HIP1: variants seen among roughly 807,000 people sequenced by gnomAD.
The protein encoded by HIP1 is huntingtin interacting protein 1.
A neutral mutation model predicts 147.6 loss-of-function variants in HIP1; 65 were observed. That is an observed-to-expected ratio of 0.44 (90% CI 0.36 to 0.54). The LOEUF (loss-of-function observed/expected upper bound fraction) is 0.54. HIP1 is among the 20% of genes least tolerant of loss of function. The pLI is 0.00. For synonymous variants in HIP1, 479 were observed against 504.0 expected (o/e 0.95, Z 0.67); for missense variants, 1,061 against 1,299.6 (o/e 0.82, Z 2.82).
intron 5 of HIP1, among the ~76,000 whole-genome samples, chr7:75,584,883 C>G (rs1446005281): frequency 6.7e-6 from 1 of 149,466 alleles, no homozygotes; most frequent in East Asian, 1.9e-4. Context: ...GAGTCTTGCT[C>G]TGTCACCCAG....
At chr7:75,650,913 C>T (rs1383489451) in intron 1 of HIP1, among the ~76,000 whole-genome samples, 1 of 152,022 alleles carries the variant, frequency 6.6e-6, no homozygotes, top group Non-Finnish European at 1.5e-5. Flanking sequence ...TGTGAGCCAG[C>T]AGCAATTTAC....
chr7:75,537,442 A>G lies in HIP1; in HGVS notation c.*730T>C, dbSNP rs958797431. 21 of 232,406 alleles carry G rather than the reference A, an allele frequency of 9.0e-5. No homozygotes were observed. Among genetic ancestry groups the G allele is most frequent in the Non-Finnish European group, 1.0e-4 (12 of 117,572 alleles). The allele number at this position is 232,406 out of a possible 1,614,324, so 14.4% of individuals were successfully genotyped here. ...CCTGGGCAGCACCATCGCTGGAGCT[A>G]CCACAGTTGGGGGGCCCTGGAGACT... On this transcript the variant is annotated 3_prime_UTR_variant, in exon 31 of 31. Transcript: ENST00000336926.
intron 1 of HIP1, among the ~76,000 whole-genome samples, chr7:75,713,046 T>G (rs1294500222): frequency 6.6e-6 from 1 of 152,176 alleles, no homozygotes; most frequent in Non-Finnish European, 1.5e-5. Context: ...AGCCCTTATG[T>G]GCAAAGCCCT....
chr7:75,694,279 C>T (rs1237706389), intron 1 of HIP1, among the ~76,000 whole-genome samples: 2 of 152,068 alleles, frequency 1.3e-5, no homozygotes, highest in Admixed American at 6.6e-5. Context: ...GGAATCCCCT[C>T]ATTAACCCTG....
At chr7:75,671,777 C>T (rs1380264889) in intron 1 of HIP1, among the ~76,000 whole-genome samples, 1 of 152,042 alleles carries the variant, frequency 6.6e-6, no homozygotes, top group Non-Finnish European at 1.5e-5. Context: ...CTCGCTCTAC[C>T]AGGCTGGAGT....
At chr7:75,633,736 A>C (rs1798321391) in intron 1 of HIP1, among the ~76,000 whole-genome samples, 1 of 152,110 alleles carries the variant, frequency 6.6e-6, no homozygotes, top group Non-Finnish European at 1.5e-5. Flanking sequence ...TTGGGCATTT[A>C]ACTTCTACCA....
intron 1 of HIP1, among the ~76,000 whole-genome samples, chr7:75,600,966 C>T (rs1226664992): frequency 1.3e-5 from 2 of 151,978 alleles, no homozygotes; most frequent in Non-Finnish European, 2.9e-5. Context: ...CTATGTTGCC[C>T]AGGCTGGTCT....
chr7:75,624,091 G>A (rs1242818015), intron 1 of HIP1, among the ~76,000 whole-genome samples: 4 of 152,066 alleles, frequency 2.6e-5, no homozygotes, highest in Non-Finnish European at 4.4e-5. Flanking sequence ...AGAAACACAC[G>A]CACACCTCCA....
chr7:75,558,626 C>T lies in HIP1; in HGVS notation c.1376-371G>A, dbSNP rs587716973. 2.0e-5 allele frequency among the ~76,000 whole-genome samples: 3 copies of T among 152,274 alleles called. No homozygotes were observed. In the East Asian group the frequency reaches 5.8e-4, roughly 29 times the overall value. ...CCACTGTGCCCGGCCAAAGATCTTC[C>T]TTTGATTTAGGAATGCATATATGCT... is the stretch of plus-strand genomic sequence containing the variant. On this transcript the variant is annotated intron_variant, in intron 14 of 30. Coordinates refer to ENST00000336926, the MANE Select transcript of HIP1 (RefSeq NM_005338.7).
chr7:75,660,256 G>C (rs538377656), intron 1 of HIP1, among the ~76,000 whole-genome samples: 2 of 151,754 alleles, frequency 1.3e-5, no homozygotes, highest in East Asian at 3.9e-4. Context: ...GCCTGGAGCA[G>C]TGGTTCATGC....
At chr7:75,624,286 G>A (rs1021873529) in intron 1 of HIP1, among the ~76,000 whole-genome samples, 1 of 152,192 alleles carries the variant, frequency 6.6e-6, no homozygotes, top group Admixed American at 6.5e-5. Flanking sequence ...TTCTAAAGTG[G>A]AAAGAGAGGT....
chr7:75,723,108 A>C (rs1801547517), intron 1 of HIP1, among the ~76,000 whole-genome samples: 2 of 152,062 alleles, frequency 1.3e-5, no homozygotes, highest in Non-Finnish European at 2.9e-5. Context: ...CAGCAGCTTA[A>C]AACAACAGCC....
At chr7:75,598,417 A>AC (rs1796839027) in intron 2 of HIP1, among the ~76,000 whole-genome samples, 1 of 141,424 alleles carries the variant, frequency 7.1e-6, no homozygotes, top group Non-Finnish European at 1.6e-5. Flanking sequence ...AAAAAAAAAA[A>AC]CTCTCTTTTT....
chr7:75,571,771 C>T (rs1373012758), intron 8 of HIP1, among the ~76,000 whole-genome samples: 1 of 151,936 alleles, frequency 6.6e-6, no homozygotes, highest in Non-Finnish European at 1.5e-5. Context: ...TTTGTACAGA[C>T]AGGGATTTCA....
chr7:75,664,342 GTA>G (rs1799472022), intron 1 of HIP1, among the ~76,000 whole-genome samples: 2 of 63,480 alleles, frequency 3.2e-5, no homozygotes, highest in African/African-American at 8.2e-5. Context: ...ATATATGTGT[GTA>G]TGTATACGTA....
At chr7:75,670,067 C>T (rs782452236) in intron 1 of HIP1, among the ~76,000 whole-genome samples, 5 of 152,164 alleles carry the variant, frequency 3.3e-5, no homozygotes, top group Non-Finnish European at 7.3e-5. Flanking sequence ...TCCCAAAGTG[C>T]TGGGATTACA....
intron 1 of HIP1, among the ~76,000 whole-genome samples, chr7:75,657,221 A>C (rs1799169098): frequency 6.6e-6 from 1 of 152,186 alleles, no homozygotes; most frequent in Non-Finnish European, 1.5e-5. Context: ...ACCATAGAAT[A>C]CTACGTAGCC....
At chr7:75,725,824 A>ATT (rs60855107) in intron 1 of HIP1, among the ~76,000 whole-genome samples, 49,354 of 136,298 alleles carry the variant, frequency 0.36, 9,622 homozygotes, top group Non-Finnish European at 0.42. Context: ...TGTGCTATGC[A>ATT]TTTTTTTTTT....
At chr7:75,594,907 C>CAG (rs1178881680) in intron 2 of HIP1, among the ~76,000 whole-genome samples, 4 of 152,206 alleles carry the variant, frequency 2.6e-5, no homozygotes, top group Non-Finnish European at 5.9e-5. Flanking sequence ...ACAAGATTCA[C>CAG]AGACCCAGTA....
Sources: allele counts gnomAD v4.1 joint callset (sites outside exome capture counted in the v4.1 genomes callset), GRCh38; gene constraint gnomAD v4.1.1; transcripts MANE v1.5; gene names NCBI Gene and HGNC (gene_info 2026-07-23, HGNC 2026-07-21).